The following CCDC91 variants were observed in gnomAD, a reference collection of about 807,000 sequenced individuals.
CCDC91 encodes coiled-coil domain-containing protein 91.
A neutral mutation model predicts 63.2 loss-of-function variants in CCDC91; 48 were observed. The ratio of observed to expected loss-of-function variants is 0.76; its 90% CI spans 0.60 to 0.97. The LOEUF is 0.97. Among genes scored for constraint, CCDC91 ranks in the 50% least tolerant of loss-of-function variants. The pLI is 0.00. For missense variants in CCDC91, 500 were observed against 494.6 expected (o/e 1.01, Z -0.10); for synonymous variants, 167 against 165.8 (o/e 1.01, Z -0.06).
At chr12:28,200,824 G>A (rs1302585475) in intron 1 of CCDC91, among the ~76,000 whole-genome samples, 2 of 151,240 alleles carry the variant, frequency 1.3e-5, no homozygotes, top group African/African-American at 4.8e-5. Flanking sequence ...CCGGGCAGAG[G>A]GGCTCCTCAC....
At chr12:28,485,692 T>C (rs1326147006) in intron 12 of CCDC91, among the ~76,000 whole-genome samples, 6 of 152,212 alleles carry the variant, frequency 3.9e-5, no homozygotes, top group Non-Finnish European at 7.3e-5. Context: ...CTCAAACAAA[T>C]TCCTGATAGA....
chr12:28,301,104 A>G lies in CCDC91; in HGVS notation c.110-4545A>G, dbSNP rs143215440. Among the ~76,000 whole-genome samples the G allele has an allele frequency of 9.5e-4, 144 of 151,652 alleles. 2 individuals carry two copies. Among genetic ancestry groups the G allele is most frequent in the African/African-American group, 3.3e-3 (138 of 41,530 alleles). On this transcript the variant is annotated intron_variant, in intron 3 of 12. Coordinates refer to ENST00000536442, the MANE Select transcript of CCDC91 (RefSeq NM_018318.5). Reference sequence around the variant, plus strand: ...TTGCATTGATTTGTGCCTTTAGTACAATGTTTAAAGATAGAGAGTTAGTAG... The same window carrying G: ...TTGCATTGATTTGTGCCTTTAGTACGATGTTTAAAGATAGAGAGTTAGTAG...
In CCDC91 at chr12:28,306,830, T is replaced by C. The variant is rs757957942; in HGVS notation, c.356T>C (p.Val119Ala). 3.7e-6 allele frequency: 6 copies of C among 1,612,048 alleles called. No homozygotes were observed. In the African/African-American group the frequency reaches 8.0e-5, roughly 22 times the overall value. Residue 119 changes from valine to alanine, a missense_variant, in exon 5 of 13, where the codon GTG (valine) becomes GCG (alanine). Physicochemically the swap from Val to Ala is moderately conservative, Grantham distance 64. Coordinates refer to ENST00000536442, the MANE Select transcript of CCDC91 (RefSeq NM_018318.5). ...AAAAGTAATGGAACAATTGCCCTTG[T>C]GGATGATTCTGAGGATCCTGGAGCC... is the stretch of plus-strand genomic sequence containing the variant. ...DEKSNGTIAL[V>A]DDSEDPGANV...
chr12:28,298,779 C>CATATAT (rs112509141), intron 3 of CCDC91, among the ~76,000 whole-genome samples: 8 of 148,752 alleles, frequency 5.4e-5, no homozygotes, highest in African/African-American at 1.7e-4. Flanking sequence ...CTTGTGTGCA[C>CATATAT]ATATATATAT....
intron 3 of CCDC91, chr12:28,304,754 C>A: frequency 1.4e-6 from 1 of 700,046 alleles, no homozygotes; most frequent in Non-Finnish European, 2.1e-6. Flanking sequence ...ATGGGCTGCA[C>A]CAAAAAGTGA....
At chr12:28,533,932 T>C (rs1941947302) in intron 12 of CCDC91, among the ~76,000 whole-genome samples, 2 of 152,130 alleles carry the variant, frequency 1.3e-5, no homozygotes, top group East Asian at 3.8e-4. Flanking sequence ...TGTTCATTAA[T>C]TTTTTCTTAT....
chr12:28,340,266 G>A (rs1251429719), intron 6 of CCDC91, among the ~76,000 whole-genome samples: 2 of 152,058 alleles, frequency 1.3e-5, no homozygotes, highest in Non-Finnish European at 2.9e-5. Context: ...TTATCATTTT[G>A]CAAATCTTTT....
chr12:28,267,769 T>TTA lies in CCDC91; in HGVS notation c.109+8331_109+8332dup, dbSNP rs1296548482. ...TATATTACTATATAATTATATATAA[T>TTA]TATATTATTAATATATAATTATATA... On this transcript the variant is annotated intron_variant, in intron 3 of 12. Transcript: ENST00000536442. 3.4e-5 allele frequency among the ~76,000 whole-genome samples: 2 copies of TTA among 59,090 alleles called. 1 individual carries two copies. The highest frequency in any genetic ancestry group is 6.3e-5 in the Non-Finnish European group (2 of 31,606). 38.8% of individuals were successfully genotyped at this position (59,090 alleles called of 152,430 possible). A position where few individuals can be genotyped will look rare whatever the true frequency, so the allele number is the denominator to read the frequency against.
At chr12:28,451,482 G>A (rs1321833048) in intron 10 of CCDC91, among the ~76,000 whole-genome samples, 1 of 151,614 alleles carries the variant, frequency 6.6e-6, no homozygotes, top group African/African-American at 2.4e-5. Context: ...AGAGTTTGAG[G>A]TGATTTAAAG....
chr12:28,532,788 A>C (rs1421324247), intron 12 of CCDC91, among the ~76,000 whole-genome samples: 2 of 152,106 alleles, frequency 1.3e-5, no homozygotes, highest in Admixed American at 1.3e-4. Flanking sequence ...TTTGAAGACC[A>C]CTGAATTAAA....
chr12:28,463,362 A>T (rs73085985), intron 11 of CCDC91, among the ~76,000 whole-genome samples: 1,654 of 152,320 alleles, frequency 0.011, 6 homozygotes, highest in Middle Eastern at 0.017. Context: ...ACAAATTCGG[A>T]TTTAATATTA....
At chr12:28,441,727 C>CATATATATCTCATATATATCAT (rs3037232) in intron 8 of CCDC91, among the ~76,000 whole-genome samples, 5 of 148,094 alleles carry the variant, frequency 3.4e-5, no homozygotes, top group Non-Finnish European at 7.4e-5. Flanking sequence ...TCATATATAT[C>CATATATATCTCATATATATCAT]ATATATCTCA....
intron 12 of CCDC91, among the ~76,000 whole-genome samples, chr12:28,538,556 A>G (rs372741875): frequency 2.0e-5 from 3 of 151,986 alleles, no homozygotes; most frequent in Non-Finnish European, 2.9e-5. Flanking sequence ...GAATAGTGCC[A>G]CAATAAACAT....
At chr12:28,196,349 C>CA (rs111615915) in intron 1 of CCDC91, among the ~76,000 whole-genome samples, 39,654 of 152,020 alleles carry the variant, frequency 0.26, 5,422 homozygotes, top group Non-Finnish European at 0.31. Flanking sequence ...TTGTTAAACT[C>CA]ACGAGTTCGT....
intron 12 of CCDC91, among the ~76,000 whole-genome samples, chr12:28,547,269 G>T (rs1202573325): frequency 5.9e-5 from 9 of 152,022 alleles, no homozygotes; most frequent in African/African-American, 2.2e-4. Flanking sequence ...AAAATACTTA[G>T]ATTTCAATCT....
chr12:28,514,988 C>A (rs1324759558), intron 12 of CCDC91, among the ~76,000 whole-genome samples: 2 of 151,658 alleles, frequency 1.3e-5, no homozygotes, highest in Non-Finnish European at 2.9e-5. Flanking sequence ...ACCTATGTAA[C>A]AAATATGCAC....
chr12:28,434,372 A>AT (rs1028826819), intron 8 of CCDC91, among the ~76,000 whole-genome samples: 69 of 150,542 alleles, frequency 4.6e-4, no homozygotes, highest in African/African-American at 1.5e-3. Context: ...TGATCATGTG[A>AT]TTTTTTTTTC....
chr12:28,400,777 AG>A (rs1331342283), intron 8 of CCDC91, among the ~76,000 whole-genome samples: 1 of 152,202 alleles, frequency 6.6e-6, no homozygotes, highest in African/African-American at 2.4e-5. Flanking sequence ...TCTCTAGGGC[AG>A]GGACAAAATG....
At chr12:28,542,293 A>AAATAGTTCTTT (rs1187100555) in intron 12 of CCDC91, among the ~76,000 whole-genome samples, 2 of 152,074 alleles carry the variant, frequency 1.3e-5, no homozygotes, top group East Asian at 3.9e-4. Context: ...CAAAAGAAAA[A>AAATAGTTCTTT]AATAGTTCTT....
Sources: gnomAD v4.1 joint callset for allele counts (sites outside exome capture counted in the v4.1 genomes callset) on GRCh38, gnomAD v4.1.1 for gene constraint, MANE v1.5 for transcripts, NCBI Gene and HGNC (gene_info 2026-07-23, HGNC 2026-07-21) for gene names.